The following CDH13 variants were observed in gnomAD, a reference collection of about 807,000 sequenced individuals.
The protein encoded by CDH13 is cadherin 13, also known as cadherin-13.
In CDH13, 24 loss-of-function variants were observed where a neutral mutation model predicts 63.8. The ratio of observed to expected loss-of-function variants is 0.38; its 90% CI spans 0.27 to 0.53. CDH13 has a LOEUF of 0.53. CDH13 is among the 20% of genes least tolerant of loss of function. The probability of loss-of-function intolerance (pLI) is 0.85; values close to 1 mark genes in which losing one functional copy is unlikely to be tolerated. For missense variants in CDH13, 1,049 were observed against 903.1 expected (o/e 1.16, Z -2.07); for synonymous variants, 503 against 355.3 (o/e 1.42, Z -4.67).
At chr16:83,033,515 G>A (rs186211370) in intron 3 of CDH13, among the ~76,000 whole-genome samples, 7 of 152,070 alleles carry the variant, frequency 4.6e-5, no homozygotes, top group African/African-American at 1.7e-4. Flanking sequence ...CGCATATACT[G>A]TGTATATGTA....
At chr16:83,558,979 C>T (rs1445525445) in intron 7 of CDH13, among the ~76,000 whole-genome samples, 1 of 151,944 alleles carries the variant, frequency 6.6e-6, no homozygotes, top group Admixed American at 6.6e-5. Flanking sequence ...CACAGGCTCA[C>T]CTCCCTCAAT....
intron 6 of CDH13, among the ~76,000 whole-genome samples, chr16:83,365,092 AT>A (rs1335297632): frequency 2.6e-5 from 4 of 152,190 alleles, no homozygotes; most frequent in African/African-American, 9.6e-5. Context: ...AAAAAAGGAT[AT>A]TGGTTATTAT....
chr16:83,226,687 A>C (rs2039849376), intron 5 of CDH13, among the ~76,000 whole-genome samples: 1 of 152,204 alleles, frequency 6.6e-6, no homozygotes. Context: ...TTGGGACTGC[A>C]AGAGCCTTAG....
chr16:83,342,733 A>G (rs2090752334), intron 5 of CDH13, among the ~76,000 whole-genome samples: 1 of 151,802 alleles, frequency 6.6e-6, no homozygotes. Flanking sequence ...AATTCTGATT[A>G]CCTATCCTAC....
intron 7 of CDH13, among the ~76,000 whole-genome samples, chr16:83,526,514 C>T (rs1162524173): frequency 6.6e-6 from 1 of 152,138 alleles, no homozygotes; most frequent in Non-Finnish European, 1.5e-5. Flanking sequence ...GCACTCCTAT[C>T]AGGATGTACT....
In CDH13 at chr16:82,682,412, C is replaced by G. The variant is rs767237529; in HGVS notation, c.45+55275C>G. 5.3e-5 allele frequency among the ~76,000 whole-genome samples: 8 copies of G among 152,270 alleles called. No individual in the cohort carries two copies. In the East Asian group the frequency reaches 1.2e-3, roughly 22 times the overall value. On this transcript the variant is annotated intron_variant, in intron 1 of 13. Coordinates refer to ENST00000567109, the MANE Select transcript of CDH13 (RefSeq NM_001257.5). ...ATGATGAGAAACAGAGGAGAGGCCA[C>G]CTATTGGAGGCAGGCACTGGCATCT...
intron 11 of CDH13, among the ~76,000 whole-genome samples, chr16:83,762,619 G>C (rs769975063): frequency 3.3e-5 from 5 of 152,258 alleles, no homozygotes; most frequent in Middle Eastern, 3.4e-3. Flanking sequence ...TTCTCGTAAG[G>C]GTTCTGGAAT....
At chr16:83,246,524 T>C (rs1039350668) in intron 5 of CDH13, among the ~76,000 whole-genome samples, 4 of 152,198 alleles carry the variant, frequency 2.6e-5, no homozygotes, top group Admixed American at 6.5e-5. Flanking sequence ...TACTTTTCCA[T>C]GGTTCATTCA....
intron 2 of CDH13, among the ~76,000 whole-genome samples, chr16:82,893,156 TCAAA>T (rs1399177048): frequency 6.6e-5 from 10 of 152,264 alleles, no homozygotes; most frequent in African/African-American, 2.2e-4. Context: ...CAAGCAAACC[TCAAA>T]CAGAGAAACC....
intron 7 of CDH13, among the ~76,000 whole-genome samples, chr16:83,579,761 A>G (rs1433686484): frequency 6.6e-6 from 1 of 152,122 alleles, no homozygotes; most frequent in African/African-American, 2.4e-5. Context: ...CACAGGACAC[A>G]GGAAGCCAAA....
At chr16:82,724,564 C>G (rs570737299) in intron 1 of CDH13, among the ~76,000 whole-genome samples, 12 of 152,258 alleles carry the variant, frequency 7.9e-5, no homozygotes, top group African/African-American at 2.6e-4. Flanking sequence ...TTGGGATGCC[C>G]TCAAATGCCA....
chr16:83,175,821 C>CTTTTTTTTTT (rs762355886), intron 4 of CDH13, among the ~76,000 whole-genome samples: 2 of 90,010 alleles, frequency 2.2e-5, no homozygotes, highest in Non-Finnish European at 4.0e-5. Context: ...TTTCAACCTG[C>CTTTTTTTTTT]TTTTTTTTTT....
At chr16:83,436,428 A>G (rs1567671571) in intron 6 of CDH13, among the ~76,000 whole-genome samples, 1 of 152,128 alleles carries the variant, frequency 6.6e-6, no homozygotes. Context: ...TTATGACGGT[A>G]CCAGTGCCTC....
intron 3 of CDH13, among the ~76,000 whole-genome samples, chr16:83,048,051 T>C (rs1057183601): frequency 2.0e-5 from 3 of 152,198 alleles, no homozygotes; most frequent in African/African-American, 4.8e-5. Flanking sequence ...TACAGTAAAG[T>C]AGATTCAGGT....
chr16:82,850,637 A>G (rs1193767495), intron 1 of CDH13, among the ~76,000 whole-genome samples: 4 of 152,344 alleles, frequency 2.6e-5, no homozygotes, highest in Non-Finnish European at 5.9e-5. Context: ...ACCAAATAGC[A>G]TCACATGCTA....
intron 2 of CDH13, among the ~76,000 whole-genome samples, chr16:82,912,533 T>C (rs1416378960): frequency 6.6e-6 from 1 of 152,230 alleles, no homozygotes; most frequent in Non-Finnish European, 1.5e-5. Context: ...GTGATGACTA[T>C]GACAGGTGGG....
intron 1 of CDH13, among the ~76,000 whole-genome samples, chr16:82,761,017 CTTTTTTTTTTTTT>C (rs35038319): frequency 2.2e-4 from 9 of 40,486 alleles, no homozygotes; most frequent in South Asian, 1.5e-3. Flanking sequence ...TTCTTTCTTT[CTTTTTTTTTTTTT>C]TTTTTTTTTT....
intron 5 of CDH13, among the ~76,000 whole-genome samples, chr16:83,226,133 G>A (rs1173007779): frequency 1.3e-5 from 2 of 152,144 alleles, no homozygotes; most frequent in Admixed American, 1.3e-4. Context: ...CCCTACCCCT[G>A]CACCTCTGAT....
At chr16:83,239,891 C>T (rs939616023) in intron 5 of CDH13, among the ~76,000 whole-genome samples, 1 of 152,048 alleles carries the variant, frequency 6.6e-6, no homozygotes, top group Admixed American at 6.6e-5. Flanking sequence ...GGAGGAGGTG[C>T]ATGATATTGT....
Sources: allele counts gnomAD v4.1 joint callset (sites outside exome capture counted in the v4.1 genomes callset), GRCh38; gene constraint gnomAD v4.1.1; transcripts MANE v1.5; gene names NCBI Gene and HGNC (gene_info 2026-07-23, HGNC 2026-07-21).